The following SNX29 variants were observed in gnomAD, a reference collection of about 807,000 sequenced individuals.
SNX29 encodes the protein sorting nexin 29, also known as sorting nexin-29.
Under a neutral mutation model 102.1 loss-of-function variants are expected in SNX29, and 78 were observed. The observed-to-expected ratio is 0.76, with a 90% CI of 0.64 to 0.92. SNX29 has a LOEUF of 0.92. SNX29 is among the 40% of genes least tolerant of loss of function. The pLI is 0.00. For missense variants in SNX29, 1,280 were observed against 1,061.7 expected (o/e 1.21, Z -2.86); for synonymous variants, 580 against 414.5 (o/e 1.40, Z -4.85).
intron 20 of SNX29, among the ~76,000 whole-genome samples, chr16:12,544,955 G>C (rs969174623): frequency 6.6e-6 from 1 of 152,220 alleles, no homozygotes; most frequent in African/African-American, 2.4e-5. Flanking sequence ...TTCCAGATGA[G>C]GAAACAGGCT....
intron 19 of SNX29, among the ~76,000 whole-genome samples, chr16:12,486,841 T>C (rs910977030): frequency 3.9e-5 from 6 of 152,212 alleles, no homozygotes; most frequent in African/African-American, 1.4e-4. Flanking sequence ...GCTGCCCTCA[T>C]AGTTCATCCA....
intron 20 of SNX29, chr16:12,557,843 G>A (rs1036163498): frequency 1.2e-4 from 19 of 152,268 alleles, no homozygotes; most frequent in African/African-American, 4.3e-4. Context: ...CATCATCAAT[G>A]TGACATGACC....
intron 13 of SNX29, among the ~76,000 whole-genome samples, chr16:12,183,726 C>T (rs1308289491): frequency 6.6e-6 from 1 of 152,204 alleles, no homozygotes; most frequent in Non-Finnish European, 1.5e-5. Context: ...ATGGTTAAGG[C>T]ATTCTAAGTC....
intron 16 of SNX29, among the ~76,000 whole-genome samples, chr16:12,387,050 G>A (rs2083365374): frequency 2.0e-5 from 3 of 152,072 alleles, no homozygotes; most frequent in South Asian, 4.2e-4. Flanking sequence ...ACTTGAACCT[G>A]GGAGGCAGAG....
At chr16:12,506,290 T>C (rs2089374797) in intron 19 of SNX29, among the ~76,000 whole-genome samples, 1 of 152,126 alleles carries the variant, frequency 6.6e-6, no homozygotes, top group Non-Finnish European at 1.5e-5. Context: ...CCAATCACTG[T>C]ATCCAGGGGG....
intron 18 of SNX29, chr16:12,443,243 A>C (rs375016638): frequency 3.2e-6 from 1 of 312,924 alleles, no homozygotes; most frequent in South Asian, 2.6e-5. Context: ...ACATCAGAGC[A>C]GGGTCACCTG....
chr16:12,362,553 T>TCCCCCCCCCCCCCCCCCCCCCCCC (rs1199911670), intron 16 of SNX29, among the ~76,000 whole-genome samples: 1 of 11,060 alleles, frequency 9.0e-5, no homozygotes, highest in African/African-American at 3.0e-4. Context: ...GCTGCTGCAC[T>TCCCCCCCCCCCCCCCCCCCCCCCC]CCCCCCCCAC....
intron 15 of SNX29, among the ~76,000 whole-genome samples, chr16:12,332,902 T>C (rs158471): frequency 0.98 from 148,292 of 152,066 alleles, 72,431 homozygotes; most frequent in Middle Eastern, 1. Context: ...CAAGCTCACT[T>C]CTCTCCTGGG....
intron 14 of SNX29, among the ~76,000 whole-genome samples, chr16:12,203,108 C>G (rs202166671): frequency 6.6e-6 from 1 of 150,608 alleles, no homozygotes. Context: ...GCCCCATTCT[C>G]AGGTGGACTG....
At chr16:12,315,531 G>C (rs771381862) in intron 15 of SNX29, among the ~76,000 whole-genome samples, 4 of 152,160 alleles carry the variant, frequency 2.6e-5, no homozygotes, top group African/African-American at 9.7e-5. Flanking sequence ...GGGCCATTAA[G>C]GAGGTAATTA....
At chr16:12,523,158 G>A (rs1181185458) in intron 19 of SNX29, among the ~76,000 whole-genome samples, 2 of 152,152 alleles carry the variant, frequency 1.3e-5, no homozygotes, top group African/African-American at 4.8e-5. Context: ...ATGCTAGGTG[G>A]TTTTTCTCGT....
intron 9 of SNX29, among the ~76,000 whole-genome samples, chr16:12,066,971 C>T (rs919366653): frequency 4.7e-5 from 7 of 147,592 alleles, no homozygotes; most frequent in Admixed American, 2.1e-4. Context: ...ATAGTGAGAC[C>T]GTGTCTCTAA....
intron 18 of SNX29, among the ~76,000 whole-genome samples, chr16:12,459,000 T>A (rs1364683108): frequency 6.6e-6 from 1 of 151,656 alleles, no homozygotes; most frequent in East Asian, 1.9e-4. Flanking sequence ...TCTCAGCTAT[T>A]CTCCTTCCTC....
At chr16:12,462,016 T>C (rs369833878) in intron 18 of SNX29, among the ~76,000 whole-genome samples, 688 of 64,908 alleles carry the variant, frequency 0.011, 20 homozygotes, top group African/African-American at 0.045. Flanking sequence ...TATATATGTA[T>C]ACACACACAC....
At chr16:11,978,582 G>A (rs373754532) in intron 1 of SNX29, among the ~76,000 whole-genome samples, 49 of 152,272 alleles carry the variant, frequency 3.2e-4, no homozygotes, top group African/African-American at 1.1e-3. Flanking sequence ...GTAGGAGTGG[G>A]GTTGTTTTTG....
intron 20 of SNX29, among the ~76,000 whole-genome samples, chr16:12,534,448 C>A (rs948128462): frequency 6.6e-6 from 1 of 152,174 alleles, no homozygotes; most frequent in African/African-American, 2.4e-5. Flanking sequence ...GTAGAAAGAA[C>A]GCAGATTAGG....
intron 15 of SNX29, among the ~76,000 whole-genome samples, chr16:12,301,441 A>C (rs1464530065): frequency 6.6e-6 from 1 of 152,052 alleles, no homozygotes; most frequent in African/African-American, 2.4e-5. Flanking sequence ...CCTCTCCCCC[A>C]AATCTCCACA....
rs546278032 is a variant in SNX29, at chr16:12,362,662, G to A, written c.1899+6383G>A. Among the ~76,000 whole-genome samples, 14 of 147,038 alleles carry A rather than the reference G, an allele frequency of 9.5e-5. No individual in the cohort carries two copies. The South Asian group carries it at 2.6e-3, about 28-fold the overall frequency. ...GGGCCTTTGTTCCTAGTGTTCCCTC[G>A]CCTGGAACACTGCCCAGTGCCAGGG... On this transcript the variant is annotated intron_variant, in intron 16 of 20. Transcript: ENST00000566228.
chr16:12,322,516 A>G (rs2080973066), intron 15 of SNX29, among the ~76,000 whole-genome samples: 1 of 152,248 alleles, frequency 6.6e-6, no homozygotes, highest in Admixed American at 6.5e-5. Flanking sequence ...TTTGTAGTGT[A>G]CATAGATTCT....
Sources: gnomAD v4.1 joint callset for allele counts (sites outside exome capture counted in the v4.1 genomes callset) on GRCh38, gnomAD v4.1.1 for gene constraint, MANE v1.5 for transcripts, NCBI Gene and HGNC (gene_info 2026-07-23, HGNC 2026-07-21) for gene names.